PTPRD: variants seen among roughly 807,000 people sequenced by gnomAD.
The protein encoded by PTPRD is receptor-type tyrosine-protein phosphatase delta.
A neutral mutation model predicts 214.5 loss-of-function variants in PTPRD; 34 were observed. The observed-to-expected ratio is 0.16, with a 90% CI of 0.12 to 0.21. The LOEUF (loss-of-function observed/expected upper bound fraction) is 0.21. PTPRD is among the 10% of genes least tolerant of loss of function. PTPRD has a pLI of 1.00. For missense variants in PTPRD, 2,545 were observed against 2,398.7 expected, an observed-to-expected ratio of 1.06 and a Z score of -1.27; for synonymous variants, 1,128 against 845.7, an observed-to-expected ratio of 1.33 and a Z score of -5.79.
chr9:8,382,803 A>G (rs2085554644), intron 37 of PTPRD, among the ~76,000 whole-genome samples: 1 of 152,180 alleles, frequency 6.6e-6, no homozygotes, highest in African/African-American at 2.4e-5. Context: ...TGCTGGTCCT[A>G]AAGTTGCTTA....
chr9:8,412,363 G>T (rs558218811), intron 35 of PTPRD, among the ~76,000 whole-genome samples: 1 of 152,266 alleles, frequency 6.6e-6, no homozygotes, highest in South Asian at 2.1e-4. Context: ...CAATCAATGT[G>T]CAGCATTAAA....
At chr9:9,992,090 C>A (rs1046650818) in intron 4 of PTPRD, among the ~76,000 whole-genome samples, 3 of 152,106 alleles carry the variant, frequency 2.0e-5, no homozygotes, top group African/African-American at 7.2e-5. Flanking sequence ...GACCTGGAGG[C>A]TGTGGGCGGT....
At chr9:8,364,764 T>G (rs534190725) in intron 39 of PTPRD, among the ~76,000 whole-genome samples, 1 of 152,252 alleles carries the variant, frequency 6.6e-6, no homozygotes, top group African/African-American at 2.4e-5. Context: ...GTAGCCTCAC[T>G]GACCAAATTG....
chr9:9,759,451 G>C (rs1279282218), intron 6 of PTPRD, among the ~76,000 whole-genome samples: 3 of 151,864 alleles, frequency 2.0e-5, no homozygotes, highest in Non-Finnish European at 4.4e-5. Context: ...AGTTCTGTTT[G>C]GTTAGCACCA....
chr9:8,802,623 T>C (rs1478809176), intron 11 of PTPRD, among the ~76,000 whole-genome samples: 1 of 152,208 alleles, frequency 6.6e-6, no homozygotes, highest in Admixed American at 6.5e-5. Flanking sequence ...TTCTAGCTCC[T>C]TCCTTCTAGG....
chr9:8,794,801 C>T (rs1192974554), intron 11 of PTPRD, among the ~76,000 whole-genome samples: 3 of 151,494 alleles, frequency 2.0e-5, no homozygotes, highest in African/African-American at 7.3e-5. Context: ...TAGATAATTG[C>T]AGCAACAATG....
intron 3 of PTPRD, among the ~76,000 whole-genome samples, chr9:10,052,092 G>C (rs997674645): frequency 2.0e-5 from 3 of 152,002 alleles, no homozygotes; most frequent in South Asian, 2.1e-4. Context: ...CCACAGGCAG[G>C]TGCCACCATG....
intron 8 of PTPRD, among the ~76,000 whole-genome samples, chr9:9,548,500 T>C (rs7869647): frequency 0.028 from 4,181 of 150,744 alleles, 193 homozygotes; most frequent in African/African-American, 0.095. Flanking sequence ...CTCCGCTTCC[T>C]GGGTTCAAGT....
intron 11 of PTPRD, among the ~76,000 whole-genome samples, chr9:8,928,532 T>C (rs2098920693): frequency 6.6e-6 from 1 of 151,874 alleles, no homozygotes; most frequent in African/African-American, 2.4e-5. Flanking sequence ...GCATTATTTC[T>C]GAGGCCTCTG....
intron 10 of PTPRD, among the ~76,000 whole-genome samples, chr9:9,158,503 G>C (rs2099883320): frequency 6.6e-6 from 1 of 152,150 alleles, no homozygotes; most frequent in African/African-American, 2.4e-5. Flanking sequence ...AGGAGGCTGA[G>C]GCGGGAGAAT....
chr9:9,984,365 A>T (rs1420572710), intron 4 of PTPRD, among the ~76,000 whole-genome samples: 2 of 152,180 alleles, frequency 1.3e-5, no homozygotes, highest in Non-Finnish European at 2.9e-5. Flanking sequence ...CAAATTTGGA[A>T]AGAGACTCCC....
chr9:8,736,812 C>T (rs2090532338), intron 11 of PTPRD, among the ~76,000 whole-genome samples: 1 of 151,762 alleles, frequency 6.6e-6, no homozygotes, highest in African/African-American at 2.4e-5. Context: ...TGTTATCAAT[C>T]GCCTCTGAAA....
At chr9:9,885,604 A>G (rs1244320768) in intron 5 of PTPRD, among the ~76,000 whole-genome samples, 1 of 152,034 alleles carries the variant, frequency 6.6e-6, no homozygotes, top group Non-Finnish European at 1.5e-5. Context: ...GAGTCCTTAT[A>G]AGGGAAGGAG....
chr9:8,953,982 C>A (rs2154308454), intron 11 of PTPRD, among the ~76,000 whole-genome samples: 2 of 152,036 alleles, frequency 1.3e-5, no homozygotes, highest in Admixed American at 1.3e-4. Flanking sequence ...ACCCAGGAAT[C>A]CCGTTACTAG....
At chr9:9,425,356 T>G (rs1378703341) in intron 8 of PTPRD, among the ~76,000 whole-genome samples, 2 of 102,046 alleles carry the variant, frequency 2.0e-5, no homozygotes, top group African/African-American at 3.8e-5. Context: ...TACATGTGCA[T>G]ATATATAAAA....
chr9:8,770,911 G>A (rs554130859), intron 11 of PTPRD, among the ~76,000 whole-genome samples: 25 of 152,252 alleles, frequency 1.6e-4, no homozygotes, highest in African/African-American at 6.0e-4. Flanking sequence ...CAGGCGTGGT[G>A]GCTCACGCCT....
At chr9:8,498,083 A>T (rs2136670241) in intron 25 of PTPRD, among the ~76,000 whole-genome samples, 1 of 152,304 alleles carries the variant, frequency 6.6e-6, no homozygotes, top group East Asian at 1.9e-4. Flanking sequence ...AAGGGGTATT[A>T]CGAAGCACTA....
At chr9:9,892,460 AC>A (rs1158590961) in intron 5 of PTPRD, among the ~76,000 whole-genome samples, 2 of 152,120 alleles carry the variant, frequency 1.3e-5, no homozygotes, top group African/African-American at 4.8e-5. Flanking sequence ...AGTGAGCCAG[AC>A]GGAAAGTAAA....
At chr9:8,446,811 A>T (rs1376064312) in intron 34 of PTPRD, among the ~76,000 whole-genome samples, 3 of 152,220 alleles carry the variant, frequency 2.0e-5, no homozygotes, top group African/African-American at 7.2e-5. Flanking sequence ...TTATTTCATT[A>T]TCCAAGAAAA....
Sources: allele counts gnomAD v4.1 joint callset (sites outside exome capture counted in the v4.1 genomes callset), GRCh38; gene constraint gnomAD v4.1.1; transcripts MANE v1.5; gene names NCBI Gene and HGNC (gene_info 2026-07-23, HGNC 2026-07-21).